Variants in SPOCK1 observed in about 807,000 individuals in gnomAD.
SPOCK1 encodes the protein testican-1.
A neutral mutation model predicts 55.3 loss-of-function variants in SPOCK1; 23 were observed. The observed-to-expected ratio is 0.42, with a 90% CI of 0.30 to 0.59. The LOEUF (loss-of-function observed/expected upper bound fraction) is 0.59. Ranked by LOEUF, SPOCK1 falls within the 20% of genes least tolerant of loss-of-function variation. The pLI, the probability that SPOCK1 is intolerant of heterozygous loss-of-function variation, is 0.22. For synonymous variants in SPOCK1, 226 were observed against 221.0 expected (o/e 1.02, Z -0.20); for missense variants, 499 against 552.5 (o/e 0.90, Z 0.97).
intron 3 of SPOCK1, among the ~76,000 whole-genome samples, chr5:137,200,255 C>G (rs780652223): frequency 2.0e-5 from 3 of 152,182 alleles, no homozygotes; most frequent in Non-Finnish European, 2.9e-5. Flanking sequence ...CCTGCTGCTT[C>G]CCTCTCCCCA....
chr5:137,067,534 CA>C (rs1752531761), intron 6 of SPOCK1, among the ~76,000 whole-genome samples, 180 bp downstream of exon 6: 1 of 152,150 alleles, frequency 6.6e-6, no homozygotes, highest in Non-Finnish European at 1.5e-5. Context: ...GGCTCTTGTT[CA>C]TCTTTTTAAT....
intron 6 of SPOCK1, among the ~76,000 whole-genome samples, chr5:137,062,729 GA>G (rs57273200): frequency 0.41 from 62,076 of 151,160 alleles, 13,444 homozygotes; most frequent in East Asian, 0.57. Context: ...GACCTTTCCT[GA>G]AAAAAACAAA....
intron 2 of SPOCK1, among the ~76,000 whole-genome samples, chr5:137,485,111 TCTAA>T (rs1176394300): frequency 6.6e-6 from 1 of 152,224 alleles, no homozygotes; most frequent in Non-Finnish European, 1.5e-5. Context: ...TTCTGTATCT[TCTAA>T]CTTCTTTTTT....
At chr5:136,979,636 C>G in intron 9 of SPOCK1, 167 bp from the exon 10 acceptor site, 2 of 747,706 alleles carry the variant, frequency 2.7e-6, no homozygotes, top group Non-Finnish European at 4.2e-6. Flanking sequence ...GGCCCTTAAC[C>G]TTTAGAGGCC....
chr5:137,477,392 T>C (rs915163064), intron 2 of SPOCK1, among the ~76,000 whole-genome samples: 15 of 152,310 alleles, frequency 9.8e-5, no homozygotes, highest in African/African-American at 2.6e-4. Context: ...AGTGAATTTA[T>C]TGTTGTAAGT....
intron 3 of SPOCK1, among the ~76,000 whole-genome samples, chr5:137,203,547 T>A (rs1376787087): frequency 1.3e-5 from 2 of 152,124 alleles, no homozygotes; most frequent in Non-Finnish European, 2.9e-5. Context: ...ACTATATGAT[T>A]TCCTTATCAT....
Position 137,300,934 on chromosome 5 carries a change from A to AG in SPOCK1, c.187-33880dup, listed in dbSNP as rs141021458. 9.6e-4 allele frequency among the ~76,000 whole-genome samples: 146 copies of AG among 152,198 alleles called. 2 individuals carry two copies. The East Asian group carries it at 0.022, about 23-fold the overall frequency. On this transcript the variant is annotated intron_variant, in intron 2 of 10. Transcript: ENST00000394945. ...TTCTCACAAGGGTCCATTCCCTCCCAGGTTCTGGTGGCCACTGGGTTTTTT... is the reference window on the plus strand; with the variant it reads ...TTCTCACAAGGGTCCATTCCCTCCCAGGGTTCTGGTGGCCACTGGGTTTTTT...
chr5:137,402,628 C>A (rs779390855), intron 2 of SPOCK1, among the ~76,000 whole-genome samples: 1 of 152,208 alleles, frequency 6.6e-6, no homozygotes, highest in African/African-American at 2.4e-5. Flanking sequence ...TAGACCTCAA[C>A]CTGCTCCCCG....
intron 4 of SPOCK1, among the ~76,000 whole-genome samples, chr5:137,126,466 T>C (rs1350413457): frequency 6.6e-6 from 1 of 152,180 alleles, no homozygotes; most frequent in Non-Finnish European, 1.5e-5. Flanking sequence ...GAATATATTA[T>C]TAGAAACTAC....
chr5:137,065,692 T>C (rs1047799005), intron 6 of SPOCK1, among the ~76,000 whole-genome samples: 15 of 152,212 alleles, frequency 9.9e-5, no homozygotes, highest in African/African-American at 3.4e-4. Context: ...TCACAGAGTG[T>C]TTTCTGTTTT....
At chr5:137,292,895 C>G (rs1194825755) in intron 2 of SPOCK1, among the ~76,000 whole-genome samples, 1 of 152,118 alleles carries the variant, frequency 6.6e-6, no homozygotes, top group Non-Finnish European at 1.5e-5. Flanking sequence ...CCCTCAGAGT[C>G]GCTGCTGCAA....
rs139911301 is a variant in SPOCK1 at position 137,443,704 on chromosome 5, C to T, written c.186+54669G>A. Among the ~76,000 whole-genome samples the T allele has an allele frequency of 9.0e-3, 1,369 of 152,298 alleles. 8 individuals are homozygous for T. The highest frequency in any genetic ancestry group is 0.014 in the Admixed American group (214 of 15,298). On this transcript the variant is annotated intron_variant, in intron 2 of 10. Transcript: ENST00000394945. ...CTCCAGACAGCCATGGGTTCACCAA[C>T]GGCTGTGGTCTGTACCTCCTTGCTA...
intron 5 of SPOCK1, among the ~76,000 whole-genome samples, chr5:137,101,266 C>A (rs761502464): frequency 6.6e-6 from 1 of 152,150 alleles, no homozygotes; most frequent in Non-Finnish European, 1.5e-5. Context: ...GGCCAGGGAC[C>A]TTTCTGTCTT....
At chr5:137,018,279 T>C (rs1043291477) in intron 6 of SPOCK1, among the ~76,000 whole-genome samples, 1 of 152,206 alleles carries the variant, frequency 6.6e-6, no homozygotes, top group Non-Finnish European at 1.5e-5. Flanking sequence ...CTGTGGAAGA[T>C]ATGACTAAGT....
At chr5:137,017,766 T>A (rs1751475841) in intron 6 of SPOCK1, among the ~76,000 whole-genome samples, 2 of 152,058 alleles carry the variant, frequency 1.3e-5, no homozygotes, top group Admixed American at 6.5e-5. Flanking sequence ...AAAAGATGAA[T>A]AAAGAGGGGG....
rs1182593569 is a variant in SPOCK1, at chr5:137,426,857, T to C, written c.186+71516A>G. 2.6e-5 allele frequency among the ~76,000 whole-genome samples: 4 copies of C among 152,266 alleles called. No individual in the cohort carries two copies. The South Asian group carries it at 8.3e-4, about 32-fold the overall frequency. On this transcript the variant is annotated intron_variant, in intron 2 of 10. Coordinates refer to ENST00000394945, the MANE Select transcript of SPOCK1 (RefSeq NM_004598.4). The stretch of plus-strand genomic sequence containing the variant: ...TGACATCTCTGCCAGGGGTCACAGA[T>C]GCCAACGGACTTCCATAAGGTGCAC...
In SPOCK1 at chr5:137,205,771, G is replaced by A. The variant is rs559734558; in HGVS notation, c.232+61239C>T. ...CATAATAGCCTGAGCTGGTCACTGG[G>A]GAGAGAAACAGTGGAATTAAAGAAA... On this transcript the variant is annotated intron_variant, in intron 3 of 10. Transcript: ENST00000394945. 3.2e-4 allele frequency among the ~76,000 whole-genome samples: 48 copies of A among 152,292 alleles called. No individual in the cohort carries two copies. The South Asian group carries it at 4.8e-3, about 15-fold the overall frequency.
At chr5:137,204,749 G>A (rs1343628882) in intron 3 of SPOCK1, among the ~76,000 whole-genome samples, 1 of 152,138 alleles carries the variant, frequency 6.6e-6, no homozygotes, top group South Asian at 2.1e-4. Flanking sequence ...CCCTTGAGCA[G>A]CTTCATCCTG....
intron 2 of SPOCK1, among the ~76,000 whole-genome samples, chr5:137,494,033 C>T (rs1754246061): frequency 6.6e-6 from 1 of 152,174 alleles, no homozygotes; most frequent in African/African-American, 2.4e-5. Context: ...TCAGGTCACT[C>T]CACAGTAAGA....
Sources: allele counts gnomAD v4.1 joint callset (sites outside exome capture counted in the v4.1 genomes callset), GRCh38; gene constraint gnomAD v4.1.1; transcripts MANE v1.5; gene names NCBI Gene and HGNC (gene_info 2026-07-23, HGNC 2026-07-21).